DNAJC11: variants seen among roughly 807,000 people sequenced by gnomAD.
DNAJC11 encodes dnaJ homolog subfamily C member 11.
Under a neutral mutation model 78.6 loss-of-function variants are expected in DNAJC11, and 15 were observed. That is an observed-to-expected ratio of 0.19 (90% CI 0.13 to 0.29). The LOEUF (loss-of-function observed/expected upper bound fraction) is 0.29. Ranked by LOEUF, DNAJC11 falls within the 10% of genes least tolerant of loss-of-function variation. The pLI is 1.00. For missense variants in DNAJC11, 547 were observed against 709.6 expected (o/e 0.77, Z 2.60); for synonymous variants, 292 against 272.1 (o/e 1.07, Z -0.72).
rs150022830 is a variant in DNAJC11 at position 6,645,400 on chromosome 1, G to C, written c.895-274C>G. Among the ~76,000 whole-genome samples, 1 of 152,368 alleles carries C rather than the reference G, an allele frequency of 6.6e-6. No homozygotes were observed. Among genetic ancestry groups the C allele is most frequent in the Non-Finnish European group, 1.5e-5 (1 of 68,032 alleles). On this transcript the variant is annotated intron_variant, in intron 8 of 15. Transcript: ENST00000377577. The surrounding 1 kb of genome is among the most constrained non-coding windows in gnomAD (Gnocchi z 4.1). ...CTATGCTCCTAGGTGGCAGCGGCTG[G>C]TGAGAGCCAAGGAGCAGTGGCCCGT...
At chr1:6,642,014 A>G (rs1641885730) in intron 10 of DNAJC11, among the ~76,000 whole-genome samples, 2 of 152,178 alleles carry the variant, frequency 1.3e-5, no homozygotes, top group Admixed American at 6.5e-5. Flanking sequence ...ACATTTGAGC[A>G]GACAGCAGAT....
rs1057212585 is a variant in DNAJC11, at chr1:6,653,593, C to A, written c.507+318G>T. On this transcript the variant is annotated intron_variant, in intron 5 of 15. Coordinates refer to ENST00000377577, the MANE Select transcript of DNAJC11 (RefSeq NM_018198.4). This position sits in a 1 kb window ranked among gnomAD's most constrained non-coding sequence, Gnocchi z 4.5. Reference sequence around the variant, plus strand: ...ACTAAAACTGGTTGTTAGAATGATCCATGGAGGTCTGCTTTCTCTCCCAGA... The same window carrying A: ...ACTAAAACTGGTTGTTAGAATGATCAATGGAGGTCTGCTTTCTCTCCCAGA... Among the ~76,000 whole-genome samples the A allele has an allele frequency of 6.6e-6, 1 of 152,116 alleles. No homozygotes were observed. Among genetic ancestry groups the A allele is most frequent in the Non-Finnish European group, 1.5e-5 (1 of 68,030 alleles).
In DNAJC11 at chr1:6,639,965, A is replaced by G; in HGVS notation, c.1190T>C (p.Leu397Pro). 2 of 1,612,228 alleles carry G rather than the reference A, an allele frequency of 1.2e-6. No homozygotes were observed. Among genetic ancestry groups the G allele is most frequent in the South Asian group, 1.1e-5 (1 of 90,980 alleles). ...ACGGTGCATGGCAAAGTAGACCACT[A>G]GAGGCCCCACGGTGGCATAGAACAT... is the stretch of plus-strand genomic sequence containing the variant. ...SAMFYATVGP[L>P]VVYFAMHRLI... The change falls in exon 11 of 16, where the codon CTA (leucine) becomes CCA (proline). Residue 397 changes from leucine (L) to proline (P), a missense_variant. Coordinates refer to ENST00000377577, the MANE Select transcript of DNAJC11 (RefSeq NM_018198.4).
intron 3 of DNAJC11, among the ~76,000 whole-genome samples, chr1:6,676,675 ACTCT>A (rs1235447656): frequency 6.6e-6 from 1 of 151,106 alleles, no homozygotes; most frequent in Non-Finnish European, 1.5e-5. Flanking sequence ...GCACGCGCGC[ACTCT>A]CTCTCACAAA....
At chr1:6,661,246 A>T (rs1018234952) in intron 4 of DNAJC11, among the ~76,000 whole-genome samples, 1 of 152,176 alleles carries the variant, frequency 6.6e-6, no homozygotes. Context: ...AATTCCACCA[A>T]AAGAGGTGAT....
At chr1:6,665,102 T>C (rs1642274412) in intron 4 of DNAJC11, among the ~76,000 whole-genome samples, 2 of 152,172 alleles carry the variant, frequency 1.3e-5, no homozygotes, top group Non-Finnish European at 2.9e-5. Flanking sequence ...AGGACCTTGC[T>C]CTGTTGCCCA....
chr1:6,659,051 A>G (rs535106576), intron 4 of DNAJC11, among the ~76,000 whole-genome samples: 1 of 152,356 alleles, frequency 6.6e-6, no homozygotes, highest in East Asian at 1.9e-4. Flanking sequence ...CATTGTGTTC[A>G]TGACTAGACA....
rs556506512 is a variant in DNAJC11 at position 6,695,721 on chromosome 1, T to C, written c.72+6008A>G. Among the ~76,000 whole-genome samples the C allele has an allele frequency of 7.3e-4, 109 of 149,028 alleles. 1 individual carries two copies. In the South Asian group the frequency reaches 0.022, roughly 30 times the overall value. On this transcript the variant is annotated intron_variant, in intron 1 of 15. Coordinates refer to ENST00000377577, the MANE Select transcript of DNAJC11 (RefSeq NM_018198.4). ...TACTTGGGAGGCTGAGGCAGGAGAA[T>C]TGCATGAACCTAGGAGGTGGAGGTT...
At chr1:6,682,640 A>G (rs904721348) in intron 1 of DNAJC11, among the ~76,000 whole-genome samples, 1 of 152,234 alleles carries the variant, frequency 6.6e-6, no homozygotes, top group Non-Finnish European at 1.5e-5. Flanking sequence ...TTCAGAAAAG[A>G]AACAAGGCTG....
Position 6,694,402 on chromosome 1 carries a change from C to G in DNAJC11, c.72+7327G>C, listed in dbSNP as rs557697004. Among the ~76,000 whole-genome samples the G allele has an allele frequency of 2.6e-5, 4 of 152,192 alleles. No homozygotes were observed. The South Asian group carries it at 6.2e-4, about 24-fold the overall frequency. ...CTCAATTGCCAGTTAGATAAAGTAC[C>G]CAGATAGCAGGGGGACCCCTGCCCT... On this transcript the variant is annotated intron_variant, in intron 1 of 15. Transcript: ENST00000377577.
At chr1:6,637,367 G>A in intron 13 of DNAJC11, 27 bp from the exon 14 acceptor site, 1 of 1,614,208 alleles carries the variant, frequency 6.2e-7, no homozygotes, top group African/African-American at 1.3e-5. Flanking sequence ...AGTAGAGGAA[G>A]GCCTCCTCCA....
chr1:6,681,680 G>C (rs1244903435), intron 1 of DNAJC11, among the ~76,000 whole-genome samples: 1 of 152,088 alleles, frequency 6.6e-6, no homozygotes. Flanking sequence ...CAAGGCAGAC[G>C]GGCTCTGGTG....
chr1:6,682,587 AC>A (rs1192501993), intron 1 of DNAJC11, among the ~76,000 whole-genome samples: 1 of 152,058 alleles, frequency 6.6e-6, no homozygotes, highest in Non-Finnish European at 1.5e-5. Flanking sequence ...GGCGTGGGTG[AC>A]CTCCAGGAGC....
chr1:6,689,014 A>G (rs551265627), intron 1 of DNAJC11, among the ~76,000 whole-genome samples: 1 of 152,334 alleles, frequency 6.6e-6, no homozygotes, highest in African/African-American at 2.4e-5. Context: ...ACCACAAAGT[A>G]GCCAGAAAAT....
chr1:6,671,857 CAG>C (rs1642386763), intron 3 of DNAJC11, among the ~76,000 whole-genome samples: 1 of 151,884 alleles, frequency 6.6e-6, no homozygotes, highest in South Asian at 2.1e-4. Flanking sequence ...TTTTTTGAGA[CAG>C]AGTCTTGCTT....
chr1:6,652,153 C>T (rs2148733228), intron 6 of DNAJC11, among the ~76,000 whole-genome samples: 1 of 152,362 alleles, frequency 6.6e-6, no homozygotes, highest in Non-Finnish European at 1.5e-5. Flanking sequence ...GGGTGACTTT[C>T]AAGCAACTCT....
chr1:6,634,370 AC>A lies in DNAJC11; in HGVS notation c.*1304del, dbSNP rs1641712866. ...TTTTTAAAAAATGGAGATGAATGTT[AC>A]AGAATTGGACAACCCGAACTGCTTT... is the stretch of plus-strand genomic sequence containing the variant. On this transcript the variant is annotated 3_prime_UTR_variant, in exon 16 of 16. Coordinates refer to ENST00000377577, the MANE Select transcript of DNAJC11 (RefSeq NM_018198.4). 8.9e-7 allele frequency: 1 copy of A among 1,124,532 alleles called. No individual in the cohort carries two copies. Among genetic ancestry groups the A allele is most frequent in the Non-Finnish European group, 1.2e-6 (1 of 849,418 alleles). The allele number at this position is 1,124,532 out of a possible 1,614,324, so 69.7% of individuals were successfully genotyped here. A position where few individuals can be genotyped will look rare whatever the true frequency, so the allele number is the denominator to read the frequency against.
At position 6,683,288 on chromosome 1, in the gene DNAJC11, C is replaced by CG. The variant is rs1261871655; in HGVS notation, c.73-2252dup. ...TAGAGAATGCAGGTGTGGCAGTCAA[C>CG]GGCCCATGTTTGGATGCAGGATCTG... On this transcript the variant is annotated intron_variant, in intron 1 of 15. Transcript: ENST00000377577. Among the ~76,000 whole-genome samples the CG allele has an allele frequency of 3.5e-5, 5 of 144,518 alleles. No individual in the cohort carries two copies. The East Asian group carries it at 9.9e-4, about 29-fold the overall frequency. The allele number at this position is 144,518 out of a possible 152,430, so 94.8% of individuals were successfully genotyped here.
chr1:6,639,854 CTG>C (rs1442589089), intron 11 of DNAJC11, 46 bp downstream of exon 11: 1 of 1,577,632 alleles, frequency 6.3e-7, no homozygotes, highest in Admixed American at 1.9e-5. Context: ...GGTGAGGAAA[CTG>C]AGGCACAGGG....
Sources: allele counts gnomAD v4.1 joint callset (sites outside exome capture counted in the v4.1 genomes callset), GRCh38; gene constraint gnomAD v4.1.1; non-coding constraint Gnocchi (gnomAD v3.1); transcripts MANE v1.5; gene names NCBI Gene and HGNC (gene_info 2026-07-23, HGNC 2026-07-21).